Variants in CFAP54 observed in about 807,000 individuals in gnomAD.
The protein encoded by CFAP54 is cilia and flagella associated protein 54, also known as cilia- and flagella-associated protein 54.
CFAP54 carries 290 observed loss-of-function variants against 370.4 expected under a neutral mutation model. The observed-to-expected ratio is 0.78, with a 90% CI of 0.71 to 0.86. CFAP54 has a LOEUF of 0.86. CFAP54 is among the 40% of genes least tolerant of loss of function. The pLI, the probability that CFAP54 is intolerant of heterozygous loss-of-function variation, is 0.00. For synonymous variants in CFAP54, 1,206 were observed against 1,236.5 expected (o/e 0.98, Z 0.52); for missense variants, 3,399 against 3,528.7 (o/e 0.96, Z 0.93).
Position 96,489,653 on chromosome 12 carries a change from C to G in CFAP54, c.44C>G (p.Ser15Cys). The G allele has an allele frequency of 6.5e-7, 1 of 1,533,610 alleles. No homozygotes were observed. The highest frequency in any genetic ancestry group is 8.7e-7 in the Non-Finnish European group (1 of 1,144,840). Residue 15 changes from serine to cysteine, a missense_variant, in exon 1 of 68, where the codon TCT becomes TGT. Ser to Cys is a moderately radical substitution (Grantham distance 112). This residue lies in a region of CFAP54 where 559 missense variants were observed against 576.7 expected (regional missense o/e 0.97). Transcript: ENST00000524981. ...GSPSSSPSDD[S>C]TTSGSLPELP... ...CCCTCGAGCTCTCCGTCAGACGACT[C>G]TACCACCTCGGGGTCTCTGCCAGAA...
intron 66 of CFAP54, among the ~76,000 whole-genome samples, chr12:96,838,589 G>A (rs375823577): frequency 9.9e-5 from 15 of 152,168 alleles, no homozygotes; most frequent in South Asian, 6.2e-4. Flanking sequence ...TTATAAAACC[G>A]TGACATCTCA....
In CFAP54 at chr12:96,630,159, A is replaced by C. The variant is rs9919717; in HGVS notation, c.4170A>C (p.Ala1390=). Residue 1390 remains alanine (A), a synonymous_variant, in exon 31 of 68, where the codon GCA becomes GCC. Coordinates refer to ENST00000524981, the MANE Select transcript of CFAP54 (RefSeq NM_001306084.2). ...AGGATAGTGCTTTGAATAAAAAAGC[A>C]AACAAATCTTTAAAGTTCAAAGCTG... is the stretch of plus-strand genomic sequence containing the variant. ...KYKDSALNKK[A]NKSLKFKAAV... The C allele has an allele frequency of 0.43, 635,603 of 1,490,820 alleles. 139,226 individuals are homozygous for C. The highest frequency in any genetic ancestry group is 0.53 in the Admixed American group (25,636 of 48,768). The allele number at this position is 1,490,820 out of a possible 1,614,324, so 92.3% of individuals were successfully genotyped here. A position where few individuals can be genotyped will look rare whatever the true frequency, so the allele number is the denominator to read the frequency against.
At chr12:96,584,990 ATG>A (rs146090649) in intron 22 of CFAP54, among the ~76,000 whole-genome samples, 5,340 of 151,768 alleles carry the variant, frequency 0.035, 322 homozygotes, top group African/African-American at 0.12. Flanking sequence ...GGGAAAGAGA[ATG>A]TGATTGGCCC....
At chr12:96,867,702 A>G (rs1473903501) in intron 67 of CFAP54, among the ~76,000 whole-genome samples, 1 of 152,220 alleles carries the variant, frequency 6.6e-6, no homozygotes, top group African/African-American at 2.4e-5. Flanking sequence ...TATGGAATCT[A>G]AAAAAGTTAA....
intron 5 of CFAP54, 92 bp downstream of exon 5, chr12:96,513,136 AG>A (rs1323666946): frequency 4.1e-6 from 2 of 490,136 alleles, no homozygotes; most frequent in African/African-American, 4.0e-5. Context: ...ATGTTAAACA[AG>A]GAATATTTGG....
In CFAP54 at chr12:96,826,470, A is replaced by G. The variant is rs36197016; in HGVS notation, c.9097-2544A>G. On this transcript the variant is annotated intron_variant, in intron 65 of 67. Transcript: ENST00000524981. ...CCATATATGTTATTTACTATATATT[A>G]TATAATATATGTAAATAATATATAA... Among the ~76,000 whole-genome samples the G allele has an allele frequency of 7.4e-3, 883 of 119,772 alleles. 3 individuals are homozygous for G. The highest frequency in any genetic ancestry group is 0.011 in the Non-Finnish European group (710 of 62,146). 78.6% of individuals were successfully genotyped at this position (119,772 alleles called of 152,430 possible). A position where few individuals can be genotyped will look rare whatever the true frequency, so the allele number is the denominator to read the frequency against.
At chr12:96,748,429 C>T (rs1958143062) in intron 55 of CFAP54, among the ~76,000 whole-genome samples, 2 of 152,014 alleles carry the variant, frequency 1.3e-5, no homozygotes, top group Middle Eastern at 3.4e-3. Context: ...TGTTCTTCTT[C>T]CCTCCTTCTT....
intron 26 of CFAP54, among the ~76,000 whole-genome samples, chr12:96,619,704 A>T (rs1451745579): frequency 6.6e-6 from 1 of 152,230 alleles, no homozygotes; most frequent in Non-Finnish European, 1.5e-5. Context: ...TTGCCCAGTT[A>T]TCTGTAAGCT....
chr12:96,505,502 CTTTT>C (rs58264783), intron 3 of CFAP54, among the ~76,000 whole-genome samples: 1 of 133,484 alleles, frequency 7.5e-6, no homozygotes. Context: ...AATAGCCTCA[CTTTT>C]TTTTTTTTTT....
intron 67 of CFAP54, among the ~76,000 whole-genome samples, chr12:96,868,023 A>G (rs1194153255): frequency 1.3e-5 from 2 of 152,202 alleles, no homozygotes; most frequent in Admixed American, 6.5e-5. Context: ...ATAAATATAT[A>G]CAATTTTTAT....
intron 63 of CFAP54, among the ~76,000 whole-genome samples, chr12:96,806,995 A>G (rs1359418417): frequency 6.6e-6 from 1 of 152,220 alleles, no homozygotes; most frequent in African/African-American, 2.4e-5. Context: ...AGTATTATGC[A>G]CATTCAAGTT....
intron 17 of CFAP54, among the ~76,000 whole-genome samples, chr12:96,562,990 T>C (rs1206514716): frequency 6.6e-6 from 1 of 152,184 alleles, no homozygotes; most frequent in Non-Finnish European, 1.5e-5. Flanking sequence ...GGGCTGAAAA[T>C]ATTTGGTTTA....
At chr12:96,683,050 T>C (rs983359779) in intron 40 of CFAP54, among the ~76,000 whole-genome samples, 2 of 152,202 alleles carry the variant, frequency 1.3e-5, no homozygotes, top group African/African-American at 4.8e-5. Context: ...TCTTTTTTCC[T>C]AACAGACATT....
At chr12:96,535,406 G>T (rs968084794) in intron 11 of CFAP54, 109 bp from the exon 12 acceptor site, 1 of 669,202 alleles carries the variant, frequency 1.5e-6, no homozygotes, top group African/African-American at 1.9e-5. Flanking sequence ...ATATTTGCCC[G>T]CCTATCATTT....
At position 96,655,981 on chromosome 12, in the gene CFAP54, G is replaced by A. The variant is rs12580041; in HGVS notation, c.5101-1901G>A. ...CATAGATTAATTAATATAATTTTGGGGATATAATTCAAAATAATGGGGGAA... is the reference window on the plus strand; with the variant it reads ...CATAGATTAATTAATATAATTTTGGAGATATAATTCAAAATAATGGGGGAA... On this transcript the variant is annotated intron_variant, in intron 36 of 67. Coordinates refer to ENST00000524981, the MANE Select transcript of CFAP54 (RefSeq NM_001306084.2). 8.4e-3 allele frequency among the ~76,000 whole-genome samples: 1,281 copies of A among 151,920 alleles called. 52 individuals carry two copies. In the East Asian group the frequency reaches 0.095, roughly 11 times the overall value.
chr12:96,561,367 T>C (rs1216922677), intron 17 of CFAP54, among the ~76,000 whole-genome samples: 1 of 152,202 alleles, frequency 6.6e-6, no homozygotes, highest in African/African-American at 2.4e-5. Context: ...CCTTCTGCCA[T>C]GATTGTGAGG....
chr12:96,492,134 A>G (rs1954891250), intron 1 of CFAP54, among the ~76,000 whole-genome samples: 1 of 152,104 alleles, frequency 6.6e-6, no homozygotes, highest in South Asian at 2.1e-4. Context: ...TCCAGTCCAA[A>G]CCACCACCAT....
chr12:96,624,085 G>A (rs1002474413), intron 28 of CFAP54, among the ~76,000 whole-genome samples: 1 of 152,180 alleles, frequency 6.6e-6, no homozygotes. Flanking sequence ...TAAAGATTAA[G>A]TGATTTACTT....
chr12:96,813,139 A>C (rs764486319), intron 64 of CFAP54, among the ~76,000 whole-genome samples: 1 of 152,228 alleles, frequency 6.6e-6, no homozygotes, highest in Non-Finnish European at 1.5e-5. Flanking sequence ...TCTATAAAGT[A>C]GAAAGTCATC....
Sources: allele counts gnomAD v4.1 joint callset (sites outside exome capture counted in the v4.1 genomes callset), GRCh38; gene constraint gnomAD v4.1.1; regional missense constraint gnomAD v4.1.1; transcripts MANE v1.5; gene names NCBI Gene and HGNC (gene_info 2026-07-23, HGNC 2026-07-21).